The following SYP variants were observed in gnomAD, a reference collection of about 807,000 sequenced individuals.
The protein encoded by SYP is synaptophysin.
A neutral mutation model predicts 24.3 loss-of-function variants in SYP; 2 were observed. That is an observed-to-expected ratio of 0.08 (90% confidence interval 0.03 to 0.26). The LOEUF (loss-of-function observed/expected upper bound fraction) is 0.26. SYP is among the 10% of genes least tolerant of loss of function. The pLI is 1.00. For missense variants in SYP, 216 were observed against 266.3 expected (o/e 0.81, Z 1.32); for synonymous variants, 143 against 123.2 (o/e 1.16, Z -1.07).
chrX:49,195,333 A>G (rs1230496853), intron 3 of SYP, among the ~76,000 whole-genome samples: 4 of 111,094 alleles, frequency 3.6e-5, no homozygotes, highest in African/African-American at 1.3e-4. Flanking sequence ...AGGCGGAAAC[A>G]GAGGCTCAGG....
At chrX:49,193,755 T>C (rs1557103070) in intron 4 of SYP, among the ~76,000 whole-genome samples, 1 of 112,432 alleles carries the variant, frequency 8.9e-6, no homozygotes. Flanking sequence ...TCTTTCTACT[T>C]TTGTCTGCAT....
chrX:49,194,399 A>G, intron 3 of SYP, 38 bp from the exon 4 acceptor site: 1 of 1,182,332 alleles, frequency 8.5e-7, no homozygotes, highest in Middle Eastern at 3.1e-4. Flanking sequence ...CCAGCCCCTC[A>G]GAACACCCTC....
intron 1 of SYP, 63 bp from the exon 2 acceptor site, chrX:49,199,096 G>T: frequency 9.0e-7 from 1 of 1,109,738 alleles, no homozygotes; most frequent in Non-Finnish European, 1.2e-6. Flanking sequence ...TGAGCGGCAA[G>T]GCTGCCCATC....
intron 6 of SYP, 62 bp downstream of exon 6, chrX:49,191,371 C>T (rs1345625757): frequency 8.7e-7 from 1 of 1,145,111 alleles, no homozygotes; most frequent in East Asian, 3.2e-5. Context: ...CTTATTGGTT[C>T]ACTGACCCGC....
chrX:49,194,982 C>T (rs1450600190), intron 3 of SYP, among the ~76,000 whole-genome samples: 1 of 111,291 alleles, frequency 9.0e-6, no homozygotes. Context: ...GCTGGGATTA[C>T]AGGCGTGAGC....
rs1236835981 is a variant in SYP at position 49,191,749 on chromosome X, C to T, written c.630G>A (p.Leu210=). Residue 210 remains leucine, a synonymous_variant, in exon 6 of 7, where the codon CTG becomes CTA. Transcript: ENST00000263233. Reference sequence around the variant, plus strand: ...GGTTGCCGACCCAGAGCACCAGGTTCAGGAAGCCGAACACCTGCAGGGAGA... The same window carrying T: ...GGTTGCCGACCCAGAGCACCAGGTTTAGGAAGCCGAACACCTGCAGGGAGA... ...GLNTSVVFGF[L]NLVLWVGNLW... 2 of 1,205,625 alleles carry T rather than the reference C, an allele frequency of 1.7e-6. No individual in the cohort carries two copies. Among genetic ancestry groups the T allele is most frequent in the Non-Finnish European group, 2.2e-6 (2 of 892,668 alleles).
In SYP at chrX:49,199,084, G is replaced by A. The variant is rs2065540071; in HGVS notation, c.37-51C>T. ...GGTGGGGTTGTTGGAGGTACAGGGA[G>A]GTGAGCGGCAAGGCTGCCCATCAAT... On this transcript the variant is annotated intron_variant, in intron 1 of 6. Coordinates refer to ENST00000263233, the MANE Select transcript of SYP (RefSeq NM_003179.3). The A allele has an allele frequency of 4.3e-6, 5 of 1,156,921 alleles. No homozygotes were observed. In the East Asian group the frequency reaches 1.5e-4, roughly 35 times the overall value.
rs782111448 is a variant in SYP at position 49,197,734 on chromosome X, C to T, written c.208G>A (p.Glu70Lys). ...KTESDLSIEV[E>K]FEYPFRLHQV... ...GCACACCTGAAGGGGTACTCGAACT[C>T]GACCTCGATGCTGAGGTCACTCTCG... is the stretch of plus-strand genomic sequence containing the variant. Residue 70 changes from glutamate to lysine, a missense_variant, in exon 3 of 7, where the codon GAG (glutamate) becomes AAG (lysine). Transcript: ENST00000263233. The T allele has an allele frequency of 5.8e-6, 7 of 1,207,657 alleles. No homozygotes were observed. Among genetic ancestry groups the T allele is most frequent in the East Asian group, 3.0e-5 (1 of 33,711 alleles).
Position 49,188,843 on chromosome X carries a change from A to T in SYP, c.*444T>A. 9.0e-6 allele frequency: 1 copy of T among 111,149 alleles called. No individual in the cohort carries two copies. The highest frequency in any genetic ancestry group is 1.9e-5 in the Non-Finnish European group (1 of 52,927). The allele number at this position is 111,149 out of a possible 1,213,427, so 9.2% of individuals were successfully genotyped here. On this transcript the variant is annotated 3_prime_UTR_variant, in exon 7 of 7. Coordinates refer to ENST00000263233, the MANE Select transcript of SYP (RefSeq NM_003179.3). Reference sequence around the variant, plus strand: ...TTTAACCCTGGAGTTGGATTTCCCTAACGGCCTTTGTTCAGGCAGGCATTG... The same window carrying T: ...TTTAACCCTGGAGTTGGATTTCCCTTACGGCCTTTGTTCAGGCAGGCATTG...
chrX:49,199,349 A>C, intron 1 of SYP: 6 of 190,414 alleles, frequency 3.2e-5, no homozygotes, highest in East Asian at 1.2e-4. Context: ...CGGGTAGAGA[A>C]TGGGGATGGA....
chrX:49,197,931 G>C (rs1031163685), intron 2 of SYP, 92 bp from the exon 3 acceptor site: 2 of 1,145,111 alleles, frequency 1.7e-6, no homozygotes, highest in Non-Finnish European at 2.4e-6. Context: ...GCCCAGCACA[G>C]GCAGCAGCAG....
intron 4 of SYP, 35 bp from the exon 5 acceptor site, chrX:49,193,498 G>A: frequency 8.3e-7 from 1 of 1,201,032 alleles, no homozygotes; most frequent in Non-Finnish European, 1.1e-6. Flanking sequence ...ACAGCACTGT[G>A]AGTGGACTGC....
Position 49,200,156 on chromosome X carries a change from T to G in SYP, c.31A>C (p.Asn11His). The change falls in exon 1 of 7, where the codon AAT becomes CAT. Residue 11 changes from asparagine to histidine, a missense_variant. Physicochemically the swap from Asn to His is moderately conservative, Grantham distance 68. This residue lies in a region of SYP where 102 missense variants were observed against 158.4 expected (regional missense o/e 0.64). Transcript: ENST00000263233. ...CACGGTGCTGGAGCGCGTACCTGAT[T>G]CACCACGTCCATGTCCGCCAGCAGC... MLLLADMDVV[N>H]QLVAGGQFRV... 8.6e-7 allele frequency: 1 copy of G among 1,165,438 alleles called. No individual in the cohort carries two copies. Among genetic ancestry groups the G allele is most frequent in the African/African-American group, 1.8e-5 (1 of 56,087 alleles).
At chrX:49,198,049 T>C (rs1161128525) in intron 2 of SYP, 8 of 459,296 alleles carry the variant, frequency 1.7e-5, no homozygotes, top group Non-Finnish European at 3.0e-5. Context: ...TGTGTCTCTC[T>C]CTGTCTCTGC....
In SYP at chrX:49,188,802, C is replaced by G. The variant is rs782667847; in HGVS notation, c.*485G>C. 9.0e-6 allele frequency: 1 copy of G among 111,546 alleles called. No homozygotes were observed. Among genetic ancestry groups the G allele is most frequent in the East Asian group, 2.8e-4 (1 of 3,534 alleles). 9.2% of individuals were successfully genotyped at this position (111,546 alleles called of 1,213,427 possible). On this transcript the variant is annotated 3_prime_UTR_variant, in exon 7 of 7. Transcript: ENST00000263233. ...ACTGTCCTCTCTACCCCAAGCCCCC[C>G]CAATCTCTGCCTTTCTTTAACCCTG...
At chrX:49,198,742 G>A in intron 2 of SYP, 1 of 415,906 alleles carries the variant, frequency 2.4e-6, no homozygotes, top group South Asian at 3.5e-5. Context: ...GGACGTCACA[G>A]TCTCCCACTT....
intron 5 of SYP, 68 bp downstream of exon 5, chrX:49,193,204 C>G: frequency 8.7e-7 from 1 of 1,145,808 alleles, no homozygotes; most frequent in Non-Finnish European, 1.2e-6. Context: ...TTCTCCCACT[C>G]CACCACTCCC....
chrX:49,193,489 C>T, intron 4 of SYP, 26 bp from the exon 5 acceptor site: 1 of 1,207,007 alleles, frequency 8.3e-7, no homozygotes, highest in Non-Finnish European at 1.1e-6. Context: ...GTGAGGAAGA[C>T]AGCACTGTGA....
In SYP at chrX:49,197,704, T is replaced by TG. The variant is rs1367886446; in HGVS notation, c.227+10dup. On this transcript the variant is annotated intron_variant, in intron 3 of 6. Coordinates refer to ENST00000263233, the MANE Select transcript of SYP (RefSeq NM_003179.3). ...TCCCAGGTCTGTTGGTATCCCAGGG[T>TG]GGGAGCACACCTGAAGGGGTACTCG... 26 of 1,205,063 alleles carry TG rather than the reference T, an allele frequency of 2.2e-5. No individual in the cohort carries two copies. Among genetic ancestry groups the TG allele is most frequent in the Non-Finnish European group, 2.9e-5 (26 of 892,373 alleles).
Sources: gnomAD v4.1 joint callset for allele counts (sites outside exome capture counted in the v4.1 genomes callset) on GRCh38, gnomAD v4.1.1 for gene constraint, gnomAD v4.1.1 regional missense constraint, MANE v1.5 for transcripts, NCBI Gene and HGNC (gene_info 2026-07-23, HGNC 2026-07-21) for gene names.